NSD1: variants seen among roughly 807,000 people sequenced by gnomAD.
NSD1 encodes the protein histone-lysine N-methyltransferase, H3 lysine-36 specific.
In NSD1, 26 loss-of-function variants were observed where a neutral mutation model predicts 242.7. The ratio of observed to expected loss-of-function variants is 0.11; its 90% confidence interval spans 0.08 to 0.15. The LOEUF (loss-of-function observed/expected upper bound fraction) is 0.15. Among genes scored for constraint, NSD1 ranks in the 10% least tolerant of loss-of-function variants. The pLI is 1.00. For missense variants in NSD1, 2,495 were observed against 3,272.8 expected (o/e 0.76, Z 5.80); for synonymous variants, 1,106 against 1,178.1 (o/e 0.94, Z 1.25).
intron 18 of NSD1, among the ~76,000 whole-genome samples, chr5:177,281,988 C>T (rs912968689): frequency 1.3e-5 from 2 of 152,316 alleles, no homozygotes; most frequent in South Asian, 2.1e-4. Context: ...GCTGTTGACC[C>T]AGGCAAGGTG....
At chr5:177,227,571 G>A (rs1299098637) in intron 5 of NSD1, among the ~76,000 whole-genome samples, 4 of 151,702 alleles carry the variant, frequency 2.6e-5, no homozygotes, top group African/African-American at 7.3e-5. Flanking sequence ...CTCAGCCTCC[G>A]GAGTAGCTAT....
At chr5:177,239,972 A>G (rs1765725327) in intron 8 of NSD1, 107 bp downstream of exon 8, 1 of 698,834 alleles carries the variant, frequency 1.4e-6, no homozygotes, top group Non-Finnish European at 2.5e-6. Context: ...ACATATAGAA[A>G]TTAGTGTGTG....
Position 177,211,700 on chromosome 5 carries a change from G to A in NSD1, c.3301G>A (p.Asp1101Asn). The A allele has an allele frequency of 1.2e-6, 2 of 1,614,092 alleles. No individual in the cohort carries two copies. Among genetic ancestry groups the A allele is most frequent in the Non-Finnish European group, 1.7e-6 (2 of 1,180,028 alleles). ...GATAATGGGCCACTTAACAAGTGAA[G>A]ATGGTGACCATTTTTCTGATGTGCA... ...LQIMGHLTSE[D>N]GDHFSDVHFD... is the part of the protein sequence containing the mutation. Residue 1101 changes from aspartate to asparagine, a missense_variant, in exon 5 of 23, where the codon GAT (aspartate) becomes AAT (asparagine). Physicochemically the swap from Asp to Asn is conservative, Grantham distance 23. This residue lies in a region of NSD1 where 426 missense variants were observed against 411.4 expected (regional missense o/e 1.04). Transcript: ENST00000439151.
intron 2 of NSD1, among the ~76,000 whole-genome samples, chr5:177,179,659 G>T (rs1322335592): frequency 6.6e-6 from 1 of 152,210 alleles, no homozygotes; most frequent in Non-Finnish European, 1.5e-5. Context: ...CCTACAAGGG[G>T]CTCTCATGAG....
chr5:177,239,787 A>C lies in NSD1; in HGVS notation c.4224A>C (p.Pro1408=). 6.2e-7 allele frequency: 1 copy of C among 1,612,428 alleles called. No individual in the cohort carries two copies. Among genetic ancestry groups the C allele is most frequent in the South Asian group, 1.1e-5 (1 of 91,008 alleles). ...ATGAAAGTAAACGTCAAAGAAAACCAACTAAGAAACTTCTTGAATCCAATG... is the reference window on the plus strand; with the variant it reads ...ATGAAAGTAAACGTCAAAGAAAACCCACTAAGAAACTTCTTGAATCCAATG... ...GNYESKRQRK[P]TKKLLESNDL... Residue 1408 remains proline (P), a synonymous_variant, in exon 8 of 23, where the codon CCA becomes CCC. Transcript: ENST00000439151.
In NSD1 at chr5:177,297,334, G is replaced by A. The variant is rs1383696269; in HGVS notation, c.*1875G>A. The A allele has an allele frequency of 4.3e-6, 1 of 230,406 alleles. No individual in the cohort carries two copies. The highest frequency in any genetic ancestry group is 2.2e-5 in the African/African-American group (1 of 45,064). The allele number at this position is 230,406 out of a possible 1,614,324, so 14.3% of individuals were successfully genotyped here. A position where few individuals can be genotyped will look rare whatever the true frequency, so the allele number is the denominator to read the frequency against. On this transcript the variant is annotated 3_prime_UTR_variant, in exon 23 of 23. Coordinates refer to ENST00000439151, the MANE Select transcript of NSD1 (RefSeq NM_022455.5). Reference sequence around the variant, plus strand: ...GTTCAAAAGGAAGAGAAAACGTAAAGCATCTTATTTTCTTTTAAAAGAATT... The same window carrying A: ...GTTCAAAAGGAAGAGAAAACGTAAAACATCTTATTTTCTTTTAAAAGAATT...
chr5:177,166,253 G>A (rs1184235068), intron 2 of NSD1, among the ~76,000 whole-genome samples: 2 of 151,902 alleles, frequency 1.3e-5, no homozygotes, highest in African/African-American at 2.4e-5. Flanking sequence ...GCTTCTAAAA[G>A]TTTTGCTTTT....
At chr5:177,164,964 G>A (rs1367430385) in intron 2 of NSD1, among the ~76,000 whole-genome samples, 4 of 150,418 alleles carry the variant, frequency 2.7e-5, no homozygotes, top group Non-Finnish European at 5.9e-5. Context: ...AAAAAAAAGA[G>A]GTAAAATTTA....
chr5:177,214,059 C>T (rs1241625153), intron 5 of NSD1, among the ~76,000 whole-genome samples: 6 of 151,844 alleles, frequency 4.0e-5, no homozygotes, highest in South Asian at 2.1e-4. Context: ...CGGCCAGGTG[C>T]GGTGGCTCAC....
chr5:177,234,272 T>C (rs566860346), intron 5 of NSD1, among the ~76,000 whole-genome samples: 1 of 152,314 alleles, frequency 6.6e-6, no homozygotes, highest in Admixed American at 6.5e-5. Flanking sequence ...GACATCGATC[T>C]GAATCAGAGT....
chr5:177,254,582 TAG>T (rs1046779718), intron 12 of NSD1, among the ~76,000 whole-genome samples: 8 of 152,074 alleles, frequency 5.3e-5, no homozygotes, highest in African/African-American at 1.9e-4. Context: ...GCATTTTTAG[TAG>T]AGACGAGGTT....
At chr5:177,156,455 A>C (rs1446609956) in intron 2 of NSD1, among the ~76,000 whole-genome samples, 1 of 152,186 alleles carries the variant, frequency 6.6e-6, no homozygotes, top group Non-Finnish European at 1.5e-5. Context: ...TTGGAATTAC[A>C]GGCGTAAGCC....
At chr5:177,266,719 C>T (rs1259404901) in intron 14 of NSD1, 1 of 271,014 alleles carries the variant, frequency 3.7e-6, no homozygotes, top group Non-Finnish European at 6.9e-6. Context: ...GGCTTTACTC[C>T]CCACTTCAGG....
chr5:177,229,551 C>G (rs1764892535), intron 5 of NSD1, among the ~76,000 whole-genome samples: 1 of 152,056 alleles, frequency 6.6e-6, no homozygotes, highest in Admixed American at 6.5e-5. Context: ...CTGATATATT[C>G]TTTATCTTAG....
chr5:177,248,137 G>T (rs1766442253), intron 10 of NSD1, 44 bp from the exon 11 acceptor site: 2 of 1,610,848 alleles, frequency 1.2e-6, no homozygotes, highest in Admixed American at 1.7e-5. Flanking sequence ...AAATGGAAGA[G>T]ACATCAATAA....
At chr5:177,200,301 AT>A (rs1340728984) in intron 3 of NSD1, among the ~76,000 whole-genome samples, 2 of 151,562 alleles carry the variant, frequency 1.3e-5, no homozygotes, top group Non-Finnish European at 2.9e-5. Flanking sequence ...TAGAGACAGG[AT>A]TTCACCATGT....
chr5:177,283,776 T>C lies in NSD1; in HGVS notation c.6010-11T>C. ...AGGAAGTCTGATGTGTAGCTTCTTTTGGAATTCTAGGACCGAATCATTGAT... is the reference window on the plus strand; with the variant it reads ...AGGAAGTCTGATGTGTAGCTTCTTTCGGAATTCTAGGACCGAATCATTGAT... On this transcript the variant is annotated splice_polypyrimidine_tract_variant and intron_variant, in intron 19 of 22. Coordinates refer to ENST00000439151, the MANE Select transcript of NSD1 (RefSeq NM_022455.5). 6.2e-7 allele frequency: 1 copy of C among 1,614,104 alleles called. No homozygotes were observed. The highest frequency in any genetic ancestry group is 1.1e-5 in the South Asian group (1 of 91,090).
chr5:177,232,415 C>A (rs966694922), intron 5 of NSD1, among the ~76,000 whole-genome samples: 1 of 152,154 alleles, frequency 6.6e-6, no homozygotes, highest in Non-Finnish European at 1.5e-5. Flanking sequence ...AAATCGAAAT[C>A]TTTTTGAATA....
At chr5:177,250,999 G>C (rs1360774239) in intron 11 of NSD1, among the ~76,000 whole-genome samples, 6 of 152,114 alleles carry the variant, frequency 3.9e-5, no homozygotes, top group Non-Finnish European at 8.8e-5. Flanking sequence ...AGACCAGCCT[G>C]GCCAACGTGG....
Sources: allele counts gnomAD v4.1 joint callset (sites outside exome capture counted in the v4.1 genomes callset), GRCh38; gene constraint gnomAD v4.1.1; regional missense constraint gnomAD v4.1.1; transcripts MANE v1.5; gene names NCBI Gene and HGNC (gene_info 2026-07-23, HGNC 2026-07-21).